The following SMAD1 variants were observed in gnomAD, a reference collection of about 807,000 sequenced individuals.
SMAD1 encodes MAD, mothers against decapentaplegic homolog 1.
SMAD1 carries 6 observed loss-of-function variants against 41.6 expected under a neutral mutation model. The observed-to-expected ratio is 0.14, with a 90% CI of 0.08 to 0.28. The LOEUF is 0.28. Among genes scored for constraint, SMAD1 ranks in the 10% least tolerant of loss-of-function variants. The pLI is 1.00. For missense variants in SMAD1, 379 were observed against 582.6 expected, an observed-to-expected ratio of 0.65 and a Z score of 3.60; for synonymous variants, 206 against 203.2, an observed-to-expected ratio of 1.01 and a Z score of -0.12.
intron 1 of SMAD1, among the ~76,000 whole-genome samples, chr4:145,490,034 G>A (rs987017946): frequency 1.3e-5 from 2 of 152,192 alleles, no homozygotes; most frequent in Non-Finnish European, 2.9e-5. Flanking sequence ...GGGTGAAGGA[G>A]AAGAAGTCAG....
chr4:145,550,286 G>C lies in SMAD1; in HGVS notation c.997+3362G>C, dbSNP rs556022746. ...CCAGTGCTTTGGGAGGCTAAGGCAG[G>C]TGGATCAGTTGAGGTCAGGAGTTCG... On this transcript the variant is annotated intron_variant, in intron 5 of 6. Transcript: ENST00000302085. Among the ~76,000 whole-genome samples the C allele has an allele frequency of 9.8e-5, 15 of 152,290 alleles. No individual in the cohort carries two copies. In the South Asian group the frequency reaches 1.5e-3, roughly 15 times the overall value.
chr4:145,484,040 G>A (rs996565347), intron 1 of SMAD1, among the ~76,000 whole-genome samples: 2 of 152,126 alleles, frequency 1.3e-5, no homozygotes, highest in African/African-American at 4.8e-5. Flanking sequence ...TCTCAACTAC[G>A]TTTATTACAT....
chr4:145,552,993 CT>C (rs575719477), intron 5 of SMAD1, among the ~76,000 whole-genome samples: 1 of 152,084 alleles, frequency 6.6e-6, no homozygotes, highest in South Asian at 2.1e-4. Flanking sequence ...CAGCCTCAAC[CT>C]CCTTGCCTCA....
In SMAD1 at chr4:145,482,469, G is replaced by A. The variant is rs1367202845; in HGVS notation, c.-177+431G>A. ...GCTGCCGCCGGGCCGAGGCCCGTTC[G>A]CGTGGCCCGCGGACCCATTGTGTCC... On this transcript the variant is annotated intron_variant, in intron 1 of 6. Coordinates refer to ENST00000302085, the MANE Select transcript of SMAD1 (RefSeq NM_005900.3). The surrounding 1 kb of genome is among the most constrained non-coding windows in gnomAD (Gnocchi z 4.2). 1 of 152,010 alleles carries A rather than the reference G, an allele frequency of 6.6e-6. No individual in the cohort carries two copies. Among genetic ancestry groups the A allele is most frequent in the Non-Finnish European group, 1.5e-5 (1 of 67,998 alleles). The allele number at this position is 152,010 out of a possible 1,614,324, so 9.4% of individuals were successfully genotyped here. A position where few individuals can be genotyped will look rare whatever the true frequency, so the allele number is the denominator to read the frequency against.
At position 145,558,032 on chromosome 4, in the gene SMAD1, G is replaced by A; in HGVS notation, c.*98G>A. Reference sequence around the variant, plus strand: ...GATTGAGAACTGACAAAGGAGCCTTGATAATACTTGACCTCTGTGACCAAC... The same window carrying A: ...GATTGAGAACTGACAAAGGAGCCTTAATAATACTTGACCTCTGTGACCAAC... On this transcript the variant is annotated 3_prime_UTR_variant, in exon 7 of 7. Transcript: ENST00000302085. 2 of 695,128 alleles carry A rather than the reference G, an allele frequency of 2.9e-6. No homozygotes were observed. Among genetic ancestry groups the A allele is most frequent in the Non-Finnish European group, 2.1e-6 (1 of 472,280 alleles). 43.1% of individuals were successfully genotyped at this position (695,128 alleles called of 1,614,324 possible).
chr4:145,554,871 C>T (rs1193282679), intron 6 of SMAD1, among the ~76,000 whole-genome samples: 2 of 152,174 alleles, frequency 1.3e-5, no homozygotes, highest in Non-Finnish European at 2.9e-5. Context: ...TTGAGTGAGG[C>T]AATTATCTTT....
chr4:145,519,646 T>C (rs1194132256), intron 2 of SMAD1, among the ~76,000 whole-genome samples: 1 of 103,418 alleles, frequency 9.7e-6, no homozygotes, highest in East Asian at 2.1e-4. Context: ...AGAGAGACTC[T>C]GTATCAAAAA....
chr4:145,505,196 C>T (rs549684318), intron 1 of SMAD1, among the ~76,000 whole-genome samples: 1 of 152,278 alleles, frequency 6.6e-6, no homozygotes, highest in South Asian at 2.1e-4. Flanking sequence ...CATTACAAGT[C>T]CCCTGGCATG....
At chr4:145,515,705 T>C (rs1578775110) in intron 2 of SMAD1, among the ~76,000 whole-genome samples, 1 of 152,330 alleles carries the variant, frequency 6.6e-6, no homozygotes, top group East Asian at 1.9e-4. Flanking sequence ...AGTTAGAATC[T>C]ACATTCTAGA....
chr4:145,508,097 T>C (rs1030453263), intron 1 of SMAD1, among the ~76,000 whole-genome samples: 325 of 145,088 alleles, frequency 2.2e-3, no homozygotes, highest in Non-Finnish European at 3.7e-3. Flanking sequence ...TTTTTTTTTT[T>C]GCTCCCAGTA....
At chr4:145,493,843 G>T (rs1444626037) in intron 1 of SMAD1, among the ~76,000 whole-genome samples, 1 of 152,156 alleles carries the variant, frequency 6.6e-6, no homozygotes, top group Non-Finnish European at 1.5e-5. Context: ...CAATCTAATT[G>T]GTAAGAGGAG....
At chr4:145,529,100 G>A (rs776213449) in intron 2 of SMAD1, among the ~76,000 whole-genome samples, 6 of 152,290 alleles carry the variant, frequency 3.9e-5, no homozygotes, top group Admixed American at 6.5e-5. Context: ...TAAAAGTGAG[G>A]TTTAAATAGT....
rs537694665 is a variant in SMAD1 at position 145,558,297 on chromosome 4, G to A, written c.*363G>A. Among the ~76,000 whole-genome samples the A allele has an allele frequency of 6.6e-6, 1 of 152,214 alleles. No individual in the cohort carries two copies. Among genetic ancestry groups the A allele is most frequent in the East Asian group, 1.9e-4 (1 of 5,200 alleles). On this transcript the variant is annotated 3_prime_UTR_variant, in exon 7 of 7. Coordinates refer to ENST00000302085, the MANE Select transcript of SMAD1 (RefSeq NM_005900.3). ...TGGTGTTTGGCACTTTAAGGTCATC[G>A]TTGGGCAGAAGTTTAGCATTAATAG... is the stretch of plus-strand genomic sequence containing the variant.
intron 1 of SMAD1, among the ~76,000 whole-genome samples, chr4:145,508,630 GA>G (rs1202534310): frequency 6.6e-6 from 1 of 151,954 alleles, no homozygotes; most frequent in Admixed American, 6.6e-5. Context: ...TTTTCTCTTG[GA>G]AAAAAATGTT....
chr4:145,512,724 T>C (rs1385875575), intron 1 of SMAD1, among the ~76,000 whole-genome samples: 1 of 152,236 alleles, frequency 6.6e-6, no homozygotes, highest in Non-Finnish European at 1.5e-5. Flanking sequence ...GTTTCTATTC[T>C]GTTTTGTTTT....
intron 1 of SMAD1, chr4:145,502,826 C>A (rs1729525348): frequency 6.6e-6 from 1 of 152,156 alleles, no homozygotes; most frequent in Non-Finnish European, 1.5e-5. Context: ...AGCTGGAATT[C>A]AGTCTACATG....
chr4:145,532,768 C>T (rs1031975374), intron 2 of SMAD1, among the ~76,000 whole-genome samples: 3 of 152,070 alleles, frequency 2.0e-5, no homozygotes, highest in Admixed American at 6.5e-5. Context: ...AGGAACAGCC[C>T]GAGACATAGA....
intron 1 of SMAD1, among the ~76,000 whole-genome samples, chr4:145,491,699 T>G (rs530644581): frequency 9.7e-4 from 148 of 152,320 alleles, no homozygotes; most frequent in Non-Finnish European, 1.5e-3. Context: ...GGCACCCTGC[T>G]TCCCTCCATA....
intron 3 of SMAD1, 104 bp downstream of exon 3, chr4:145,540,165 C>G (rs1305575268): frequency 1.5e-6 from 2 of 1,335,896 alleles, no homozygotes; most frequent in Non-Finnish European, 2.1e-6. Context: ...GTTTTCAGCC[C>G]TGGTATATGA....
Sources: allele counts gnomAD v4.1 joint callset (sites outside exome capture counted in the v4.1 genomes callset), GRCh38; gene constraint gnomAD v4.1.1; non-coding constraint Gnocchi (gnomAD v3.1); transcripts MANE v1.5; gene names NCBI Gene and HGNC (gene_info 2026-07-23, HGNC 2026-07-21).